Variants in SLC35F4 observed in about 807,000 individuals in gnomAD.
The protein encoded by SLC35F4 is solute carrier family 35 member F4.
SLC35F4 carries 24 observed loss-of-function variants against 44.2 expected under a neutral mutation model. The observed-to-expected ratio is 0.54, with a 90% CI of 0.39 to 0.76. SLC35F4 has a LOEUF of 0.76. SLC35F4 is among the 30% of genes least tolerant of loss of function. The pLI is 0.00. For synonymous variants in SLC35F4, 238 were observed against 223.6 expected (o/e 1.06, Z -0.57); for missense variants, 562 against 586.1 (o/e 0.96, Z 0.42).
intron 1 of SLC35F4, among the ~76,000 whole-genome samples, chr14:57,658,852 G>A (rs1298778747): frequency 6.6e-6 from 1 of 152,074 alleles, no homozygotes; most frequent in African/African-American, 2.4e-5. Context: ...TTCTAGTGAA[G>A]GAATAGACTC....
At chr14:57,942,002 G>A (rs1889924098) in intron 1 of SLC35F4, among the ~76,000 whole-genome samples, 1 of 152,148 alleles carries the variant, frequency 6.6e-6, no homozygotes, top group South Asian at 2.1e-4. Flanking sequence ...GGGCTGCAAA[G>A]TCTTTTCCTT....
intron 4 of SLC35F4, among the ~76,000 whole-genome samples, chr14:57,576,117 T>C (rs185080280): frequency 2.6e-5 from 4 of 152,312 alleles, no homozygotes; most frequent in African/African-American, 7.2e-5. Context: ...CACTCACAGA[T>C]GGTTTTCACA....
At chr14:57,693,741 A>C (rs2075299701) in intron 1 of SLC35F4, among the ~76,000 whole-genome samples, 1 of 152,044 alleles carries the variant, frequency 6.6e-6, no homozygotes, top group Non-Finnish European at 1.5e-5. Context: ...GTGTGTCTTT[A>C]ATTCCTCTAG....
chr14:57,829,693 G>A (rs1312597511), intron 1 of SLC35F4, among the ~76,000 whole-genome samples: 1 of 152,162 alleles, frequency 6.6e-6, no homozygotes, highest in African/African-American at 2.4e-5. Flanking sequence ...TCCTTTCCTG[G>A]GTGCTGTGAG....
intron 1 of SLC35F4, among the ~76,000 whole-genome samples, chr14:57,937,760 A>G (rs1566505869): frequency 6.6e-6 from 1 of 152,150 alleles, no homozygotes; most frequent in Non-Finnish European, 1.5e-5. Context: ...GGACTCAAAG[A>G]CCCAGGAACA....
chr14:57,759,841 G>T (rs2140616945), intron 1 of SLC35F4, among the ~76,000 whole-genome samples: 2 of 149,094 alleles, frequency 1.3e-5, no homozygotes, highest in African/African-American at 2.5e-5. Flanking sequence ...CAAGTTCTTT[G>T]GCCATTTTAA....
intron 1 of SLC35F4, among the ~76,000 whole-genome samples, chr14:57,764,759 G>A (rs1004500420): frequency 6.6e-6 from 1 of 152,168 alleles, no homozygotes; most frequent in Admixed American, 6.5e-5. Flanking sequence ...CTTCAGTTAT[G>A]CAAAAGTATA....
At chr14:57,678,808 T>C (rs931009504) in intron 1 of SLC35F4, among the ~76,000 whole-genome samples, 3 of 152,036 alleles carry the variant, frequency 2.0e-5, no homozygotes, top group Non-Finnish European at 4.4e-5. Context: ...AATGGATCAA[T>C]GCAACAAGAA....
At chr14:57,578,136 C>A (rs1196050266) in intron 4 of SLC35F4, among the ~76,000 whole-genome samples, 1 of 150,448 alleles carries the variant, frequency 6.6e-6, no homozygotes, top group Non-Finnish European at 1.5e-5. Context: ...TCATGGTGTT[C>A]TTTTTACATT....
At chr14:57,697,699 T>TAA (rs59047946) in intron 1 of SLC35F4, among the ~76,000 whole-genome samples, 2 of 143,810 alleles carry the variant, frequency 1.4e-5, no homozygotes, top group African/African-American at 2.6e-5. Flanking sequence ...AGACCCTGTT[T>TAA]AAAAAAAAAA....
chr14:57,982,778 T>C (rs1295988958), upstream of SLC35F4, among the ~76,000 whole-genome samples: 1 of 152,202 alleles, frequency 6.6e-6, no homozygotes, highest in Non-Finnish European at 1.5e-5. Flanking sequence ...TGCACTCTTA[T>C]TTAAATGATA....
chr14:57,934,539 T>G (rs1415638812), intron 1 of SLC35F4, among the ~76,000 whole-genome samples: 1 of 151,974 alleles, frequency 6.6e-6, no homozygotes, highest in Non-Finnish European at 1.5e-5. Context: ...ATTTGAAAGT[T>G]TAACCATCCA....
chr14:57,940,134 G>GGT (rs1263221060), intron 1 of SLC35F4, among the ~76,000 whole-genome samples: 2 of 152,240 alleles, frequency 1.3e-5, no homozygotes, highest in East Asian at 3.9e-4. Flanking sequence ...GTTAGGAAAG[G>GGT]GTGTGAATAG....
chr14:57,600,715 A>C (rs1422799859), intron 1 of SLC35F4, among the ~76,000 whole-genome samples: 6 of 149,068 alleles, frequency 4.0e-5, no homozygotes, highest in African/African-American at 7.4e-5. Context: ...AAAAAAAAAA[A>C]AAAACCAAAA....
intron 1 of SLC35F4, among the ~76,000 whole-genome samples, chr14:57,598,574 A>G (rs1003429223): frequency 6.6e-6 from 1 of 152,264 alleles, no homozygotes. Context: ...TTTGGAAAGC[A>G]CTGGGGGTAA....
chr14:57,798,160 C>G (rs1470388262), intron 1 of SLC35F4, among the ~76,000 whole-genome samples: 1 of 142,400 alleles, frequency 7.0e-6, no homozygotes, highest in Non-Finnish European at 1.5e-5. Context: ...TGTGATAGAC[C>G]ACTGAGGTTT....
chr14:57,933,780 C>A (rs920111829), intron 1 of SLC35F4, among the ~76,000 whole-genome samples: 6 of 152,132 alleles, frequency 3.9e-5, no homozygotes, highest in African/African-American at 7.2e-5. Context: ...TCTGTTAAAA[C>A]CCTCCTTTTA....
intron 1 of SLC35F4, among the ~76,000 whole-genome samples, chr14:57,778,643 C>T (rs984538249): frequency 1.3e-5 from 2 of 152,060 alleles, no homozygotes; most frequent in South Asian, 2.1e-4. Flanking sequence ...ATCTACAGAA[C>T]GATACACCCC....
At chr14:57,600,721 C>CA (rs1566668126) in intron 1 of SLC35F4, among the ~76,000 whole-genome samples, 2 of 129,780 alleles carry the variant, frequency 1.5e-5, no homozygotes, top group Non-Finnish European at 3.2e-5. Flanking sequence ...AAAAAAAAAC[C>CA]AAAAAGATAA....
Sources: gnomAD v4.1 joint callset for allele counts (sites outside exome capture counted in the v4.1 genomes callset) on GRCh38, gnomAD v4.1.1 for gene constraint, MANE v1.5 for transcripts, NCBI Gene and HGNC (gene_info 2026-07-23, HGNC 2026-07-21) for gene names.